The following RAB40C variants were observed in gnomAD, a reference collection of about 807,000 sequenced individuals.
RAB40C encodes RAB40C, member RAS oncogene family, also known as ras-related protein Rab-40C.
A neutral mutation model predicts 28.1 loss-of-function variants in RAB40C; 8 were observed. The observed-to-expected ratio is 0.28, with a 90% CI of 0.17 to 0.51. The LOEUF (loss-of-function observed/expected upper bound fraction) is 0.51, where lower values mean the gene tolerates loss of function less well. Among genes scored for constraint, RAB40C ranks in the 20% least tolerant of loss-of-function variants. RAB40C has a pLI of 0.97. For synonymous variants in RAB40C, 201 were observed against 171.7 expected (o/e 1.17, Z -1.34); for missense variants, 288 against 405.9 (o/e 0.71, Z 2.50).
intron 1 of RAB40C, among the ~76,000 whole-genome samples, chr16:595,824 A>T (rs1312541852): frequency 6.6e-6 from 1 of 152,030 alleles, no homozygotes; most frequent in Non-Finnish European, 1.5e-5. Flanking sequence ...GCTGGTCTTG[A>T]ACTGCTGACC....
chr16:625,636 C>G, intron 4 of RAB40C, 127 bp downstream of exon 4: 2 of 1,030,392 alleles, frequency 1.9e-6, no homozygotes, highest in Admixed American at 4.1e-5. Flanking sequence ...CTGCACTGTC[C>G]CACGGCCTAC....
chr16:599,183 T>C (rs999513581), intron 1 of RAB40C, among the ~76,000 whole-genome samples: 2 of 152,206 alleles, frequency 1.3e-5, no homozygotes, highest in African/African-American at 4.8e-5. Context: ...GAGGGGAGTA[T>C]GGTCACAGCC....
At chr16:599,077 T>A (rs928960349) in intron 1 of RAB40C, among the ~76,000 whole-genome samples, 1 of 152,168 alleles carries the variant, frequency 6.6e-6, no homozygotes, top group African/African-American at 2.4e-5. Context: ...ATAGGGTAGA[T>A]GACATCAGGA....
At chr16:601,814 G>GAAAA (rs2036254885) in intron 1 of RAB40C, among the ~76,000 whole-genome samples, 1 of 8,438 alleles carries the variant, frequency 1.2e-4, no homozygotes, top group Non-Finnish European at 2.4e-4. Flanking sequence ...GCAAAAAAAA[G>GAAAA]TAAAAAAAAA....
intron 1 of RAB40C, among the ~76,000 whole-genome samples, chr16:616,455 C>T (rs954312125): frequency 4.0e-5 from 6 of 151,894 alleles, no homozygotes; most frequent in Non-Finnish European, 8.8e-5. Flanking sequence ...TCTCCTGCCT[C>T]AGCCTCCCGA....
At chr16:592,336 G>A (rs1414566974) in intron 1 of RAB40C, among the ~76,000 whole-genome samples, 1 of 152,220 alleles carries the variant, frequency 6.6e-6, no homozygotes, top group Non-Finnish European at 1.5e-5. Flanking sequence ...CCTGGACTGA[G>A]GCTGAGCGCG....
intron 1 of RAB40C, among the ~76,000 whole-genome samples, chr16:604,940 C>G (rs1461802580): frequency 6.6e-6 from 1 of 152,098 alleles, no homozygotes; most frequent in African/African-American, 2.4e-5. Context: ...TGCTTGTGGT[C>G]CCAGTTACTT....
At chr16:601,815 TAAAAAAAAAAAAAAAA>T (rs60094426) in intron 1 of RAB40C, among the ~76,000 whole-genome samples, 15 of 27,202 alleles carry the variant, frequency 5.5e-4, no homozygotes, top group South Asian at 1.6e-3. Flanking sequence ...CAAAAAAAAG[TAAAAAAAAAAAAAAAA>T]AAAAAAAAAA....
chr16:622,000 G>A (rs2036728044), intron 3 of RAB40C, among the ~76,000 whole-genome samples: 1 of 152,198 alleles, frequency 6.6e-6, no homozygotes, highest in African/African-American at 2.4e-5. Context: ...CTGGGTGCAG[G>A]GATGCAGGAG....
chr16:625,026 C>G (rs2036797723), intron 3 of RAB40C: 1 of 1,291,734 alleles, frequency 7.7e-7, no homozygotes, highest in Non-Finnish European at 1.0e-6. Flanking sequence ...CTCAGAAATG[C>G]CCCCACTCAG....
chr16:624,452 C>T (rs985180013), intron 3 of RAB40C: 1 of 985,380 alleles, frequency 1.0e-6, no homozygotes, highest in African/African-American at 1.7e-5. Context: ...GCTGTCGCTC[C>T]ATCCTGAGCA....
At chr16:595,650 C>T (rs1400214207) in intron 1 of RAB40C, among the ~76,000 whole-genome samples, 6 of 151,018 alleles carry the variant, frequency 4.0e-5, no homozygotes, top group African/African-American at 7.3e-5. Context: ...TTGCCCAGGC[C>T]GGAGTGCAGT....
At chr16:625,139 C>T in intron 3 of RAB40C, 18 of 1,358,822 alleles carry the variant, frequency 1.3e-5, no homozygotes, top group Non-Finnish European at 1.7e-5. Flanking sequence ...CCCGCATCTG[C>T]CTGCCCAGGA....
chr16:625,666 T>C, intron 4 of RAB40C, 157 bp downstream of exon 4: 1 of 903,024 alleles, frequency 1.1e-6, no homozygotes, highest in Admixed American at 2.2e-5. Context: ...TGCTGGTCAC[T>C]GTGCACACGA....
intron 3 of RAB40C, 131 bp downstream of exon 3, chr16:618,391 GTTTA>G (rs1259108046): frequency 1.5e-5 from 15 of 969,740 alleles, no homozygotes; most frequent in South Asian, 9.2e-5. Flanking sequence ...ACATTGGTTT[GTTTA>G]TTTGTTTGTT....
At chr16:589,913 C>T (rs967069536), upstream of RAB40C, among the ~76,000 whole-genome samples, 2 of 130,082 alleles carry the variant, frequency 1.5e-5, no homozygotes, top group African/African-American at 5.7e-5. Flanking sequence ...GAAGGCAGGG[C>T]GGGGTGGTGA....
rs1380299188 is a variant in RAB40C, at chr16:610,404, G to C, written c.143-6804G>C. Among the ~76,000 whole-genome samples, 1 of 152,130 alleles carries C rather than the reference G, an allele frequency of 6.6e-6. No individual in the cohort carries two copies. Among genetic ancestry groups the C allele is most frequent in the African/African-American group, 2.4e-5 (1 of 41,428 alleles). Reference sequence around the variant, plus strand: ...AGGCCTGTGGCACCCAGCAGATGAGGAGGAGAGCAGGGGGAAGGGTGGCAG... The same window carrying C: ...AGGCCTGTGGCACCCAGCAGATGAGCAGGAGAGCAGGGGGAAGGGTGGCAG... On this transcript the variant is annotated intron_variant, in intron 1 of 5. Transcript: ENST00000248139. The surrounding 1 kb of genome is among the most constrained non-coding windows in gnomAD (Gnocchi z 4.6).
rs576112594 is a variant in RAB40C at position 613,435 on chromosome 16, G to C, written c.143-3773G>C. ...AGCAGGACTGCCGCCCTGGCCGGTA[G>C]AATCAAGAGCACAGTGCAGCAGCAC... is the stretch of plus-strand genomic sequence containing the variant. On this transcript the variant is annotated intron_variant, in intron 1 of 5. Transcript: ENST00000248139. Among the ~76,000 whole-genome samples, 261 of 152,368 alleles carry C rather than the reference G, an allele frequency of 1.7e-3. 2 individuals are homozygous for C. Among genetic ancestry groups the C allele is most frequent in the African/African-American group, 6.0e-3 (251 of 41,592 alleles).
intron 1 of RAB40C, among the ~76,000 whole-genome samples, chr16:603,266 T>G (rs1202603056): frequency 6.6e-6 from 1 of 152,240 alleles, no homozygotes; most frequent in African/African-American, 2.4e-5. Flanking sequence ...CTTCTGACAT[T>G]TGGCATGCTG....
Sources: allele counts gnomAD v4.1 joint callset (sites outside exome capture counted in the v4.1 genomes callset), GRCh38; gene constraint gnomAD v4.1.1; non-coding constraint Gnocchi (gnomAD v3.1); transcripts MANE v1.5; gene names NCBI Gene and HGNC (gene_info 2026-07-23, HGNC 2026-07-21).